LOXHD1: variants seen among roughly 807,000 people sequenced by gnomAD.
LOXHD1 encodes the protein lipoxygenase homology domain-containing protein 1.
In LOXHD1, 205 loss-of-function variants were observed where a neutral mutation model predicts 248.2. That is an observed-to-expected ratio of 0.83 (90% confidence interval 0.74 to 0.93). The LOEUF is 0.93. Ranked by LOEUF, LOXHD1 falls within the 40% of genes least tolerant of loss-of-function variation. The probability of loss-of-function intolerance (pLI) is 0.00; values close to 1 mark genes in which losing one functional copy is unlikely to be tolerated. For missense variants in LOXHD1, 2,930 were observed against 2,971.6 expected (o/e 0.99, Z 0.33); for synonymous variants, 1,113 against 1,162.8 (o/e 0.96, Z 0.87).
intron 2 of LOXHD1, among the ~76,000 whole-genome samples, chr18:46,644,268 G>C (rs1275773673): frequency 6.6e-6 from 1 of 152,050 alleles, no homozygotes; most frequent in Non-Finnish European, 1.5e-5. Context: ...GAAAAGGAAG[G>C]GAAGTATCCC....
At chr18:46,524,241 T>C (rs1468869574) in intron 31 of LOXHD1, among the ~76,000 whole-genome samples, 1 of 152,224 alleles carries the variant, frequency 6.6e-6, no homozygotes, top group Non-Finnish European at 1.5e-5. Flanking sequence ...CCTAACTTCC[T>C]TTAACCTTTG....
chr18:46,625,925 T>C (rs2038736242), intron 4 of LOXHD1, among the ~76,000 whole-genome samples: 1 of 152,182 alleles, frequency 6.6e-6, no homozygotes, highest in Non-Finnish European at 1.5e-5. Context: ...ACCCAGACTC[T>C]AGTAGACTGC....
intron 12 of LOXHD1, among the ~76,000 whole-genome samples, chr18:46,586,310 G>T (rs887556987): frequency 1.3e-5 from 2 of 152,124 alleles, no homozygotes; most frequent in African/African-American, 4.8e-5. Context: ...AGATGAAAGT[G>T]TTCTGGAATT....
chr18:46,580,515 G>A (rs167872), intron 12 of LOXHD1, among the ~76,000 whole-genome samples: 121,752 of 152,240 alleles, frequency 0.8, 49,144 homozygotes, highest in Non-Finnish European at 0.86. Flanking sequence ...CTCACTTAAA[G>A]TAAGCTGAAA....
intron 37 of LOXHD1, among the ~76,000 whole-genome samples, chr18:46,502,274 C>T (rs549898624): frequency 6.6e-6 from 1 of 152,028 alleles, no homozygotes; most frequent in Admixed American, 6.6e-5. Context: ...AGTATGGAGG[C>T]AGGAATGGCT....
chr18:46,540,327 C>T (rs1352612728), intron 25 of LOXHD1, among the ~76,000 whole-genome samples: 1 of 152,152 alleles, frequency 6.6e-6, no homozygotes, highest in East Asian at 1.9e-4. Context: ...AGGGAGGTGA[C>T]CACTAGCCCC....
At chr18:46,591,492 C>T (rs2038167031) in intron 12 of LOXHD1, among the ~76,000 whole-genome samples, 1 of 152,200 alleles carries the variant, frequency 6.6e-6, no homozygotes, top group African/African-American at 2.4e-5. Context: ...AAAGCTTAGT[C>T]CTTCTCCTGC....
rs1174349329 is a variant in LOXHD1, at chr18:46,516,240, A to G, written c.5399+1889T>C. On this transcript the variant is annotated intron_variant, in intron 34 of 40. Transcript: ENST00000642948. ...CAGGCATCTTACTGGTGGAGACGAT[A>G]AGAGTACAAAGAGTGATAAGAGGGG... Among the ~76,000 whole-genome samples, 3 of 152,238 alleles carry G rather than the reference A, an allele frequency of 2.0e-5. No individual in the cohort carries two copies. The East Asian group carries it at 5.8e-4, about 29-fold the overall frequency.
intron 37 of LOXHD1, among the ~76,000 whole-genome samples, chr18:46,500,262 A>G (rs1434528462): frequency 2.6e-5 from 4 of 152,174 alleles, no homozygotes. Flanking sequence ...AACAACTTTT[A>G]GTTTACTATC....
chr18:46,578,146 T>C (rs921499035), intron 13 of LOXHD1, among the ~76,000 whole-genome samples: 1 of 152,190 alleles, frequency 6.6e-6, no homozygotes, highest in African/African-American at 2.4e-5. Context: ...TCACCAATCA[T>C]TTATCATGAG....
chr18:46,537,906 T>G (rs1189657729), intron 26 of LOXHD1, among the ~76,000 whole-genome samples: 1 of 152,200 alleles, frequency 6.6e-6, no homozygotes, highest in Non-Finnish European at 1.5e-5. Flanking sequence ...ATGCCTCTAG[T>G]GTTCCCAAGT....
At chr18:46,612,301 T>A (rs1349346583) in intron 5 of LOXHD1, among the ~76,000 whole-genome samples, 1 of 152,222 alleles carries the variant, frequency 6.6e-6, no homozygotes, top group African/African-American at 2.4e-5. Context: ...TATTAGATGT[T>A]GCAAAATTTA....
intron 29 of LOXHD1, 31 bp from the exon 30 acceptor site, chr18:46,524,948 G>T (rs762498296): frequency 1.3e-6 from 2 of 1,550,344 alleles, no homozygotes; most frequent in East Asian, 2.4e-5. Context: ...GACTCATATG[G>T]GGGTGTGCCA....
At chr18:46,592,660 A>T in intron 10 of LOXHD1, 76 bp from the exon 11 acceptor site, 1 of 1,253,238 alleles carries the variant, frequency 8.0e-7, no homozygotes, top group Non-Finnish European at 1.1e-6. Context: ...ACCCACTCTC[A>T]GGAGGGTACC....
At chr18:46,496,233 T>A (rs2033859966) in intron 37 of LOXHD1, among the ~76,000 whole-genome samples, 1 of 152,256 alleles carries the variant, frequency 6.6e-6, no homozygotes, top group Non-Finnish European at 1.5e-5. Flanking sequence ...TTCATAATTC[T>A]TGAACTTGGG....
chr18:46,557,547 T>C, intron 20 of LOXHD1, 58 bp from the exon 21 acceptor site: 1 of 1,546,560 alleles, frequency 6.5e-7, no homozygotes, highest in Admixed American at 2.0e-5. Context: ...CACATGGCCA[T>C]CAGCCCCATC....
chr18:46,573,895 GAC>G (rs2037804451), intron 14 of LOXHD1, among the ~76,000 whole-genome samples: 1 of 152,156 alleles, frequency 6.6e-6, no homozygotes, highest in African/African-American at 2.4e-5. Context: ...GAGACTCCAA[GAC>G]ATGAGCATGC....
chr18:46,594,604 T>G (rs576253708), intron 8 of LOXHD1, 138 bp from the exon 9 acceptor site: 56 of 1,020,602 alleles, frequency 5.5e-5, no homozygotes, highest in Non-Finnish European at 7.7e-5. Context: ...TTCTGTTGCC[T>G]ATCTCATTAA....
At chr18:46,535,850 C>T (rs943017338) in intron 26 of LOXHD1, among the ~76,000 whole-genome samples, 4 of 152,170 alleles carry the variant, frequency 2.6e-5, no homozygotes, top group Non-Finnish European at 4.4e-5. Flanking sequence ...GCATTACAGG[C>T]GTGAGCCACC....
Sources: gnomAD v4.1 joint callset for allele counts (sites outside exome capture counted in the v4.1 genomes callset) on GRCh38, gnomAD v4.1.1 for gene constraint, MANE v1.5 for transcripts, NCBI Gene and HGNC (gene_info 2026-07-23, HGNC 2026-07-21) for gene names.